CLCN4: variants seen among roughly 807,000 people sequenced by gnomAD.
CLCN4 encodes H(+)/Cl(-) exchange transporter 4.
CLCN4 carries 1 observed loss-of-function variant against 41.7 expected under a neutral mutation model. The observed-to-expected ratio is 0.02, with a 90% CI of 0.01 to 0.11. The LOEUF is 0.11. Ranked by LOEUF, CLCN4 falls within the 10% of genes least tolerant of loss-of-function variation. The pLI is 1.00. For missense variants in CLCN4, 287 were observed against 661.0 expected, an observed-to-expected ratio of 0.43 and a Z score of 6.20; for synonymous variants, 277 against 285.8, an observed-to-expected ratio of 0.97 and a Z score of 0.31.
At chrX:10,172,075 C>T (rs1276303494) in intron 2 of CLCN4, among the ~76,000 whole-genome samples, 1 of 112,290 alleles carries the variant, frequency 8.9e-6, no homozygotes, top group African/African-American at 3.2e-5. Context: ...CAGATGCCAG[C>T]CAAGGGCCAA....
chrX:10,191,692 A>ATTTTTTTTTTTTTTTTTTTT lies in CLCN4; in HGVS notation c.245-3210_245-3191dup, dbSNP rs760315418. 3.2e-4 allele frequency among the ~76,000 whole-genome samples: 16 copies of ATTTTTTTTTTTTTTTTTTTT among 49,770 alleles called. 1 individual carries two copies. The highest frequency in any genetic ancestry group is 1.4e-3 in the African/African-American group (15 of 10,846). The allele number at this position is 49,770 out of a possible 115,157, so 43.2% of individuals were successfully genotyped here. ...AGGCGCGTGCCACCATATCTGGTTA[A>ATTTTTTTTTTTTTTTTTTTT]TTTTTTTTTTTTTTTTTTTTTTTTT... is the stretch of plus-strand genomic sequence containing the variant. On this transcript the variant is annotated intron_variant, in intron 4 of 12. Transcript: ENST00000380833.
chrX:10,212,332 A>G (rs1924578038), intron 9 of CLCN4, 135 bp from the exon 10 acceptor site: 3 of 557,479 alleles, frequency 5.4e-6, no homozygotes, highest in African/African-American at 2.3e-5. Context: ...CAGCTGACCT[A>G]TTTTGCAGAG....
At chrX:10,227,943 T>C (rs772167861) in intron 12 of CLCN4, among the ~76,000 whole-genome samples, 11 of 111,864 alleles carry the variant, frequency 9.8e-5, no homozygotes, top group Non-Finnish European at 1.7e-4. Context: ...TTCTTTTTTT[T>C]AAATTATTTT....
intron 2 of CLCN4, among the ~76,000 whole-genome samples, chrX:10,172,624 A>G (rs1923410020): frequency 9.2e-6 from 1 of 108,732 alleles, no homozygotes; most frequent in South Asian, 4.1e-4. Flanking sequence ...TCATTGGAGG[A>G]ATGGGAAAGT....
Position 10,190,505 on chromosome X carries a change from C to CGA in CLCN4, c.244+2891_244+2892insGA, listed in dbSNP as rs1477070750. 3.9e-4 allele frequency among the ~76,000 whole-genome samples: 44 copies of CGA among 111,491 alleles called. 1 individual carries two copies. The highest frequency in any genetic ancestry group is 7.5e-4 in the South Asian group (2 of 2,665). ...GTTCTAAATTTGACATTACCGGACC[C>CGA]TGTGGAAAGACCTCATGAAATACTA... is the stretch of plus-strand genomic sequence containing the variant. On this transcript the variant is annotated intron_variant, in intron 4 of 12. Coordinates refer to ENST00000380833, the MANE Select transcript of CLCN4 (RefSeq NM_001830.4).
At chrX:10,199,627 G>T (rs765456690) in intron 6 of CLCN4, among the ~76,000 whole-genome samples, 1 of 112,009 alleles carries the variant, frequency 8.9e-6, no homozygotes, top group African/African-American at 3.3e-5. Flanking sequence ...GCATTTACCT[G>T]GTATTTCTCC....
Position 10,202,163 on chromosome X carries a change from C to T in CLCN4, c.555+4102C>T, listed in dbSNP as rs765486676. Among the ~76,000 whole-genome samples, 4 of 110,909 alleles carry T rather than the reference C, an allele frequency of 3.6e-5. No individual in the cohort carries two copies. The East Asian group carries it at 1.1e-3, about 32-fold the overall frequency. On this transcript the variant is annotated intron_variant, in intron 6 of 12. Coordinates refer to ENST00000380833, the MANE Select transcript of CLCN4 (RefSeq NM_001830.4). ...ACCAGCCTGGGCAATGTAGTGAGAC[C>T]TCATCTCTACAAAAAAATGAAAATA... is the stretch of plus-strand genomic sequence containing the variant.
At chrX:10,180,878 G>A (rs1171994732) in intron 2 of CLCN4, among the ~76,000 whole-genome samples, 1 of 109,499 alleles carries the variant, frequency 9.1e-6, no homozygotes, top group Non-Finnish European at 1.9e-5. Flanking sequence ...GAAAGAGAGA[G>A]AGGCCTGGGA....
intron 2 of CLCN4, among the ~76,000 whole-genome samples, chrX:10,172,524 C>T (rs900551985): frequency 4.5e-5 from 5 of 111,310 alleles, no homozygotes; most frequent in Non-Finnish European, 5.7e-5. Flanking sequence ...TGCCTGGGGT[C>T]GTGTGGCAGT....
intron 2 of CLCN4, among the ~76,000 whole-genome samples, chrX:10,181,729 A>G (rs1293244115): frequency 8.9e-6 from 1 of 111,964 alleles, no homozygotes; most frequent in East Asian, 2.8e-4. Flanking sequence ...CTGTTATGTT[A>G]TTGCTAATAC....
intron 4 of CLCN4, among the ~76,000 whole-genome samples, chrX:10,192,490 G>A (rs1197468643): frequency 9.0e-6 from 1 of 111,357 alleles, no homozygotes; most frequent in African/African-American, 3.3e-5. Context: ...GATGGTGCAG[G>A]TAGGAGAGCG....
intron 11 of CLCN4, among the ~76,000 whole-genome samples, chrX:10,218,775 G>T (rs1924790597): frequency 8.9e-6 from 1 of 112,653 alleles, no homozygotes; most frequent in African/African-American, 3.2e-5. Context: ...TCTGAGGAGA[G>T]TAGCAGTTGC....
At chrX:10,160,086 A>G (rs1923053248) in intron 2 of CLCN4, among the ~76,000 whole-genome samples, 1 of 109,585 alleles carries the variant, frequency 9.1e-6, no homozygotes, top group Non-Finnish European at 1.9e-5. Context: ...AGATGCTAGT[A>G]GCACTTCCCC....
chrX:10,172,137 G>A (rs969789376), intron 2 of CLCN4, among the ~76,000 whole-genome samples: 4 of 112,221 alleles, frequency 3.6e-5, no homozygotes, highest in South Asian at 7.4e-4. Flanking sequence ...GCTATATTAC[G>A]TGTTTTCTGC....
chrX:10,173,383 G>A (rs138938831), intron 2 of CLCN4, among the ~76,000 whole-genome samples: 1,559 of 111,137 alleles, frequency 0.014, 35 homozygotes, highest in African/African-American at 0.048. Flanking sequence ...ATGCCTGGGC[G>A]CTGCCTCAGG....
At chrX:10,174,675 G>A (rs1209472144) in intron 2 of CLCN4, among the ~76,000 whole-genome samples, 1 of 111,251 alleles carries the variant, frequency 9.0e-6, no homozygotes, top group Non-Finnish European at 1.9e-5. Flanking sequence ...CCTGCTGTCA[G>A]CCCTACCTTT....
chrX:10,191,290 T>C (rs1923953966), intron 4 of CLCN4, among the ~76,000 whole-genome samples: 1 of 112,470 alleles, frequency 8.9e-6, no homozygotes, highest in Admixed American at 9.4e-5. Context: ...TCATACAATA[T>C]GTGGTCTTTG....
chrX:10,222,301 G>A (rs1253568371), intron 12 of CLCN4, among the ~76,000 whole-genome samples: 1 of 111,771 alleles, frequency 8.9e-6, no homozygotes, highest in Non-Finnish European at 1.9e-5. Flanking sequence ...GGAAGGGGTC[G>A]GCTTGGTCAG....
intron 4 of CLCN4, among the ~76,000 whole-genome samples, chrX:10,189,581 G>A (rs984130386): frequency 9.0e-6 from 1 of 111,533 alleles, no homozygotes; most frequent in Non-Finnish European, 1.9e-5. Flanking sequence ...GAAAATGAAG[G>A]GACTACAGTG....
Sources: gnomAD v4.1 joint callset for allele counts (sites outside exome capture counted in the v4.1 genomes callset) on GRCh38, gnomAD v4.1.1 for gene constraint, MANE v1.5 for transcripts, NCBI Gene and HGNC (gene_info 2026-07-23, HGNC 2026-07-21) for gene names.